The following KCNG3 variants were observed in gnomAD, a reference collection of about 807,000 sequenced individuals.
KCNG3 encodes the protein potassium voltage-gated channel modifier subfamily G member 3.
A neutral mutation model predicts 29.0 loss-of-function variants in KCNG3; 15 were observed. The ratio of observed to expected loss-of-function variants is 0.52; its 90% CI spans 0.35 to 0.80. KCNG3 has a LOEUF of 0.80. KCNG3 is among the 30% of genes least tolerant of loss of function. The probability of loss-of-function intolerance (pLI) is 0.01; values close to 1 mark genes in which losing one functional copy is unlikely to be tolerated. For missense variants in KCNG3, 512 were observed against 605.7 expected (o/e 0.85, Z 1.62); for synonymous variants, 322 against 248.9 (o/e 1.29, Z -2.76).
At chr2:42,489,873 T>C (rs1404775127) in intron 1 of KCNG3, among the ~76,000 whole-genome samples, 1 of 152,204 alleles carries the variant, frequency 6.6e-6, no homozygotes, top group Non-Finnish European at 1.5e-5. Flanking sequence ...TCCAGAGTTG[T>C]CATTTCTCCT....
chr2:42,452,204 G>A (rs1316424359), intron 1 of KCNG3, among the ~76,000 whole-genome samples: 2 of 136,790 alleles, frequency 1.5e-5, no homozygotes, highest in African/African-American at 5.4e-5. Context: ...ATCACATCAG[G>A]GTAAATGGGG....
intron 1 of KCNG3, among the ~76,000 whole-genome samples, chr2:42,481,495 C>T (rs1673583702): frequency 6.6e-6 from 1 of 152,212 alleles, no homozygotes; most frequent in Non-Finnish European, 1.5e-5. Flanking sequence ...CTATACTCCA[C>T]ATGCAGACCA....
chr2:42,487,715 A>G (rs1410240562), intron 1 of KCNG3, among the ~76,000 whole-genome samples: 1 of 152,262 alleles, frequency 6.6e-6, no homozygotes, highest in Non-Finnish European at 1.5e-5. Context: ...ATTATCTGTG[A>G]AAATTACAAG....
chr2:42,458,100 T>C (rs1488426245), intron 1 of KCNG3, among the ~76,000 whole-genome samples: 2 of 152,184 alleles, frequency 1.3e-5, no homozygotes. Context: ...CCTCACTTGA[T>C]ACTATTTTGT....
the KCNG3 span, among the ~76,000 whole-genome samples, chr2:42,400,043 C>A: frequency 1.3e-5 from 2 of 152,054 alleles, no homozygotes; most frequent in African/African-American, 2.4e-5. Context: ...TGGAAGGTCG[C>A]GGCTGCAGTG....
Position 42,493,686 on chromosome 2 carries a change from T to C in KCNG3, c.-185A>G, listed in dbSNP as rs1163555858. The C allele has an allele frequency of 2.4e-6, 1 of 410,800 alleles. No individual in the cohort carries two copies. The highest frequency in any genetic ancestry group is 4.1e-5 in the East Asian group (1 of 24,400). 25.4% of individuals were successfully genotyped at this position (410,800 alleles called of 1,614,324 possible). On this transcript the variant is annotated 5_prime_UTR_variant, in exon 1 of 2. Transcript: ENST00000306078. ...CCCTGGGCTCGAGTATCTCCGGCGC[T>C]GCTAGTAGCGCGCCCTCCGCCCGGC...
intron 1 of KCNG3, chr2:42,469,855 G>C: frequency 4.7e-6 from 1 of 212,776 alleles, no homozygotes; most frequent in Non-Finnish European, 9.3e-6. Flanking sequence ...GCCTGTCCTG[G>C]TTGGCTCTAC....
downstream of KCNG3, among the ~76,000 whole-genome samples, chr2:42,437,810 C>T (rs1558369889): frequency 6.6e-6 from 1 of 151,764 alleles, no homozygotes; most frequent in Admixed American, 6.6e-5. Flanking sequence ...TGTTGGTGGG[C>T]GCCTGTAATC....
chr2:42,456,956 A>G (rs2103682745), intron 1 of KCNG3, among the ~76,000 whole-genome samples: 3 of 152,350 alleles, frequency 2.0e-5, no homozygotes, highest in Middle Eastern at 6.8e-3. Flanking sequence ...AGAGGAAAAA[A>G]ACATGATTTT....
intron 1 of KCNG3, among the ~76,000 whole-genome samples, chr2:42,454,767 T>C (rs1036442229): frequency 1.3e-5 from 2 of 151,822 alleles, no homozygotes; most frequent in African/African-American, 4.8e-5. Context: ...TTGAAGACAT[T>C]ACGTTAAGTG....
chr2:42,484,754 G>C (rs1184544248), intron 1 of KCNG3, among the ~76,000 whole-genome samples: 1 of 152,160 alleles, frequency 6.6e-6, no homozygotes, highest in South Asian at 2.1e-4. Flanking sequence ...CCAAAAGGTA[G>C]GGAAAAAAGA....
In KCNG3 at chr2:42,442,523, G is replaced by C. The variant is rs1297277283; in HGVS notation, c.*1411C>G. ...TAAAATTCCTTTAATGAACACTTCTGGTAACCCTTTATTTGATAAATATAT... is the reference window on the plus strand; with the variant it reads ...TAAAATTCCTTTAATGAACACTTCTCGTAACCCTTTATTTGATAAATATAT... On this transcript the variant is annotated 3_prime_UTR_variant, in exon 2 of 2. Coordinates refer to ENST00000306078, the MANE Select transcript of KCNG3 (RefSeq NM_133329.6). 6.6e-6 allele frequency: 1 copy of C among 152,066 alleles called. No individual in the cohort carries two copies. The highest frequency in any genetic ancestry group is 1.5e-5 in the Non-Finnish European group (1 of 68,036). The allele number at this position is 152,066 out of a possible 1,614,324, so 9.4% of individuals were successfully genotyped here.
intron 1 of KCNG3, among the ~76,000 whole-genome samples, chr2:42,488,527 T>A (rs1046445642): frequency 6.6e-6 from 1 of 151,544 alleles, no homozygotes; most frequent in African/African-American, 2.4e-5. Flanking sequence ...GGCTGTTTCC[T>A]GATAGACCTT....
At chr2:42,426,319 A>G in the KCNG3 span, among the ~76,000 whole-genome samples, 1 of 152,226 alleles carries the variant, frequency 6.6e-6, no homozygotes, top group Admixed American at 6.5e-5. Context: ...AGCTATGTCC[A>G]TTTAAACCAT....
rs181073297 is a variant in KCNG3 at position 42,459,068 on chromosome 2, C to T, written c.666-14489G>A. ...AAAATTAGCTGGGCGTGGTGGCACA[C>T]GCCTGTAATCCCAGATACTCGGGAG... On this transcript the variant is annotated intron_variant, in intron 1 of 1. Transcript: ENST00000306078. 1.4e-4 allele frequency among the ~76,000 whole-genome samples: 22 copies of T among 152,158 alleles called. No homozygotes were observed. The East Asian group carries it at 3.7e-3, about 25-fold the overall frequency.
At chr2:42,480,618 G>T (rs79700834) in intron 1 of KCNG3, among the ~76,000 whole-genome samples, 5 of 151,832 alleles carry the variant, frequency 3.3e-5, no homozygotes, top group Non-Finnish European at 7.4e-5. Context: ...TAGTGTTCAC[G>T]AGTCACAAAA....
At chr2:42,429,141 A>G in the KCNG3 span, among the ~76,000 whole-genome samples, 2 of 148,650 alleles carry the variant, frequency 1.3e-5, no homozygotes, top group East Asian at 1.9e-4. Context: ...ACAAAAACAA[A>G]CAAACAAAAA....
intron 1 of KCNG3, among the ~76,000 whole-genome samples, chr2:42,449,747 A>C (rs937504318): frequency 2.0e-5 from 3 of 152,132 alleles, no homozygotes; most frequent in African/African-American, 7.2e-5. Flanking sequence ...CACCGCACCC[A>C]GCCTGGGATT....
the KCNG3 span, among the ~76,000 whole-genome samples, chr2:42,420,265 A>T: frequency 6.6e-6 from 1 of 152,042 alleles, no homozygotes; most frequent in African/African-American, 2.4e-5. Flanking sequence ...ATAAAAGAGG[A>T]CTCAGTGTTA....
Sources: gnomAD v4.1 joint callset for allele counts (sites outside exome capture counted in the v4.1 genomes callset) on GRCh38, gnomAD v4.1.1 for gene constraint, MANE v1.5 for transcripts, NCBI Gene and HGNC (gene_info 2026-07-23, HGNC 2026-07-21) for gene names.